MSH4: variants seen among roughly 807,000 people sequenced by gnomAD.
The protein encoded by MSH4 is mutS protein homolog 4.
In MSH4, 106 loss-of-function variants were observed where a neutral mutation model predicts 113.7. The ratio of observed to expected loss-of-function variants is 0.93; its 90% CI spans 0.80 to 1.10. The LOEUF (loss-of-function observed/expected upper bound fraction) is 1.10, where lower values mean the gene tolerates loss of function less well. Ranked by LOEUF, MSH4 falls within the 50% of genes least tolerant of loss-of-function variation. The pLI, the probability that MSH4 is intolerant of heterozygous loss-of-function variation, is 0.00. For synonymous variants in MSH4, 368 were observed against 380.2 expected (o/e 0.97, Z 0.37); for missense variants, 1,061 against 1,093.7 (o/e 0.97, Z 0.42).
At chr1:75,817,498 G>A (rs1354112504) in intron 6 of MSH4, among the ~76,000 whole-genome samples, 1 of 152,106 alleles carries the variant, frequency 6.6e-6, no homozygotes, top group African/African-American at 2.4e-5. Context: ...CTTTATCATT[G>A]TCAAACATTG....
At chr1:75,815,174 A>T (rs1459271308) in intron 5 of MSH4, 38 bp downstream of exon 5, 2 of 1,057,924 alleles carry the variant, frequency 1.9e-6, no homozygotes, top group Non-Finnish European at 2.8e-6. Flanking sequence ...ACTAGCCCAC[A>T]GCTACCAATA....
intron 16 of MSH4, among the ~76,000 whole-genome samples, chr1:75,890,320 G>A (rs1301419484): frequency 3.3e-5 from 5 of 151,956 alleles, no homozygotes; most frequent in South Asian, 2.1e-4. Flanking sequence ...TTGAGAGATG[G>A]TTTTGGATAC....
At chr1:75,906,920 G>A (rs1250725227) in intron 19 of MSH4, among the ~76,000 whole-genome samples, 1 of 149,406 alleles carries the variant, frequency 6.7e-6, no homozygotes, top group Non-Finnish European at 1.5e-5. Flanking sequence ...TGCAAGCTCT[G>A]CCTCCTGGGT....
At chr1:75,815,263 G>C (rs5745373) in intron 5 of MSH4, 127 bp downstream of exon 5, 1 of 520,570 alleles carries the variant, frequency 1.9e-6, no homozygotes, top group Non-Finnish European at 3.3e-6. Context: ...ACTTTTGTCT[G>C]TTTTGTTCTC....
intron 8 of MSH4, among the ~76,000 whole-genome samples, chr1:75,861,996 C>T (rs1489361846): frequency 3.3e-5 from 5 of 152,170 alleles, no homozygotes; most frequent in African/African-American, 4.8e-5. Flanking sequence ...TCAGCAATGG[C>T]GGACGCCCCT....
chr1:75,907,655 G>A (rs1291252433), intron 19 of MSH4, among the ~76,000 whole-genome samples: 1 of 35,242 alleles, frequency 2.8e-5, no homozygotes, highest in Non-Finnish European at 5.9e-5. Flanking sequence ...GCTCTTCCAC[G>A]GTGTATCTCT....
intron 8 of MSH4, among the ~76,000 whole-genome samples, chr1:75,857,716 T>C (rs1223855973): frequency 6.6e-6 from 1 of 151,672 alleles, no homozygotes; most frequent in Non-Finnish European, 1.5e-5. Flanking sequence ...TGAAGTCAGG[T>C]ACCGTGATGC....
intron 8 of MSH4, among the ~76,000 whole-genome samples, chr1:75,857,839 C>G (rs977167373): frequency 2.0e-5 from 3 of 152,144 alleles, no homozygotes; most frequent in African/African-American, 7.2e-5. Context: ...GGCCTTGAAT[C>G]TATAAATTAC....
At chr1:75,816,246 T>C in intron 5 of MSH4, 127 bp from the exon 6 acceptor site, 3 of 494,806 alleles carry the variant, frequency 6.1e-6, no homozygotes, top group South Asian at 8.4e-5. Context: ...AAATATGAAA[T>C]ACCTGGTGTA....
In MSH4 at chr1:75,841,498, G is replaced by A. The variant is rs1395181004; in HGVS notation, c.1163-6711G>A. Among the ~76,000 whole-genome samples the A allele has an allele frequency of 2.0e-5, 3 of 152,068 alleles. No homozygotes were observed. The East Asian group carries it at 5.8e-4, about 29-fold the overall frequency. On this transcript the variant is annotated intron_variant, in intron 7 of 19. Coordinates refer to ENST00000263187, the MANE Select transcript of MSH4 (RefSeq NM_002440.4). ...CAGGCACAAGTCACTGTGCCTGGCT[G>A]TACTTAGGTTGATATAAAAGAGCTT...
At chr1:75,854,753 T>A (rs1651279485) in intron 8 of MSH4, among the ~76,000 whole-genome samples, 1 of 152,196 alleles carries the variant, frequency 6.6e-6, no homozygotes, top group Non-Finnish European at 1.5e-5. Flanking sequence ...AACCTTTTTT[T>A]CTTTGCATTT....
chr1:75,815,173 CA>C, intron 5 of MSH4, 37 bp downstream of exon 5: 1 of 1,091,682 alleles, frequency 9.2e-7, no homozygotes, highest in Non-Finnish European at 1.3e-6. Flanking sequence ...TACTAGCCCA[CA>C]GCTACCAATA....
At chr1:75,882,679 A>G (rs1464937824) in intron 14 of MSH4, among the ~76,000 whole-genome samples, 9 of 150,932 alleles carry the variant, frequency 6.0e-5, no homozygotes, top group African/African-American at 1.9e-4. Flanking sequence ...AAAAAAAAAA[A>G]AAAAAAAAAA....
chr1:75,834,473 A>G (rs899144407), intron 7 of MSH4, among the ~76,000 whole-genome samples: 5 of 152,238 alleles, frequency 3.3e-5, no homozygotes, highest in African/African-American at 9.6e-5. Flanking sequence ...ATAAAGACAC[A>G]TGCACACATA....
At chr1:75,908,438 GC>G (rs1407474997) in intron 19 of MSH4, among the ~76,000 whole-genome samples, 3 of 152,140 alleles carry the variant, frequency 2.0e-5, no homozygotes, top group Admixed American at 6.6e-5. Context: ...GAGCCAATGT[GC>G]CCGGCCAAAC....
chr1:75,804,810 C>A (rs1650022128), intron 2 of MSH4, among the ~76,000 whole-genome samples: 2 of 147,572 alleles, frequency 1.4e-5, no homozygotes, highest in African/African-American at 5.0e-5. Flanking sequence ...GCCTGGCTGA[C>A]CTTTTTATTT....
Position 75,880,105 on chromosome 1 carries a change from A to G in MSH4, c.1733A>G (p.Asn578Ser). 1 of 1,599,510 alleles carries G rather than the reference A, an allele frequency of 6.3e-7. No individual in the cohort carries two copies. The highest frequency in any genetic ancestry group is 8.5e-7 in the Non-Finnish European group (1 of 1,171,200). The change falls in exon 13 of 20, where the codon AAT becomes AGT. Residue 578 changes from asparagine (N) to serine (S), a missense_variant. Coordinates refer to ENST00000263187, the MANE Select transcript of MSH4 (RefSeq NM_002440.4). ...SFTSADLIKM[N>S]ERCQESLREI... is the part of the protein sequence containing the mutation. ...ACATCAGCAGATTTAATTAAAATGA[A>G]TGAAAGATGCCAAGAATCTTTGAGA...
intron 1 of MSH4, among the ~76,000 whole-genome samples, chr1:75,802,948 C>T (rs1399313050): frequency 6.6e-6 from 1 of 152,054 alleles, no homozygotes; most frequent in Admixed American, 6.6e-5. Flanking sequence ...GTCTCTCATC[C>T]TCTTCTTATA....
At chr1:75,833,422 T>C (rs1045223817) in intron 7 of MSH4, among the ~76,000 whole-genome samples, 117 of 152,132 alleles carry the variant, frequency 7.7e-4, no homozygotes, top group African/African-American at 2.7e-3. Flanking sequence ...CTTCACAGAA[T>C]TGGAAAAAAC....
Sources: allele counts gnomAD v4.1 joint callset (sites outside exome capture counted in the v4.1 genomes callset), GRCh38; gene constraint gnomAD v4.1.1; transcripts MANE v1.5; gene names NCBI Gene and HGNC (gene_info 2026-07-23, HGNC 2026-07-21).